The following NRG3 variants were observed in gnomAD, a reference collection of about 807,000 sequenced individuals.
NRG3 encodes neuregulin 3.
A neutral mutation model predicts 66.9 loss-of-function variants in NRG3; 31 were observed. The ratio of observed to expected loss-of-function variants is 0.46; its 90% confidence interval spans 0.35 to 0.63. The LOEUF is 0.63. Among genes scored for constraint, NRG3 ranks in the 20% least tolerant of loss-of-function variants. The pLI is 0.00. For synonymous variants in NRG3, 393 were observed against 359.4 expected, an observed-to-expected ratio of 1.09 and a Z score of -1.06; for missense variants, 910 against 878.9, an observed-to-expected ratio of 1.04 and a Z score of -0.45.
intron 3 of NRG3, among the ~76,000 whole-genome samples, chr10:82,744,440 A>G (rs767795372): frequency 7.9e-5 from 12 of 152,052 alleles, no homozygotes; most frequent in Non-Finnish European, 1.3e-4. Flanking sequence ...GCATGACACA[A>G]CTCTCTGCGC....
chr10:82,145,319 T>C (rs1226471503), intron 1 of NRG3, among the ~76,000 whole-genome samples: 1 of 152,194 alleles, frequency 6.6e-6, no homozygotes, highest in African/African-American at 2.4e-5. Flanking sequence ...ACCCTACTAT[T>C]TGATGTCCAA....
chr10:82,463,571 T>C (rs2091620009), intron 2 of NRG3, among the ~76,000 whole-genome samples: 1 of 152,192 alleles, frequency 6.6e-6, no homozygotes, highest in Non-Finnish European at 1.5e-5. Context: ...TTTAGTACTG[T>C]TGTGAGGATT....
At chr10:82,338,956 C>A (rs970495226) in intron 1 of NRG3, among the ~76,000 whole-genome samples, 1 of 152,166 alleles carries the variant, frequency 6.6e-6, no homozygotes, top group Non-Finnish European at 1.5e-5. Context: ...TACCAAGAAA[C>A]AAGCCTTTCC....
At chr10:82,040,437 C>T (rs2062983212) in intron 1 of NRG3, among the ~76,000 whole-genome samples, 2 of 151,534 alleles carry the variant, frequency 1.3e-5, no homozygotes, top group Admixed American at 6.6e-5. Context: ...TTCATAATAT[C>T]TTTCTTTTTT....
chr10:82,406,580 C>T (rs2087538361), intron 2 of NRG3, among the ~76,000 whole-genome samples: 1 of 152,134 alleles, frequency 6.6e-6, no homozygotes, highest in Admixed American at 6.5e-5. Context: ...GTGCTTGAAG[C>T]CCAGCAATAA....
At chr10:82,701,232 T>C (rs759716260) in intron 2 of NRG3, among the ~76,000 whole-genome samples, 7 of 152,174 alleles carry the variant, frequency 4.6e-5, no homozygotes, top group Non-Finnish European at 8.8e-5. Context: ...CTTCTTCCCT[T>C]GTCGGTTTCT....
At chr10:82,829,376 G>C (rs1290185392) in intron 3 of NRG3, among the ~76,000 whole-genome samples, 2 of 152,122 alleles carry the variant, frequency 1.3e-5, no homozygotes, top group African/African-American at 4.8e-5. Flanking sequence ...GTCTGGAATA[G>C]TCAGAGATGG....
At chr10:82,148,264 G>A (rs1304221937) in intron 1 of NRG3, among the ~76,000 whole-genome samples, 1 of 152,102 alleles carries the variant, frequency 6.6e-6, no homozygotes, top group Non-Finnish European at 1.5e-5. Flanking sequence ...TTGGGAGGCC[G>A]AGGTGGGAGG....
chr10:82,171,618 T>C (rs2072615871), intron 1 of NRG3, among the ~76,000 whole-genome samples: 1 of 152,110 alleles, frequency 6.6e-6, no homozygotes, highest in Non-Finnish European at 1.5e-5. Flanking sequence ...TAGAACTACA[T>C]ATTTCTTCCA....
At chr10:82,373,716 A>C (rs1038105965) in intron 2 of NRG3, among the ~76,000 whole-genome samples, 8 of 152,220 alleles carry the variant, frequency 5.3e-5, no homozygotes, top group Admixed American at 5.2e-4. Context: ...TAATTTTGCC[A>C]CAGTTTGGGG....
intron 3 of NRG3, among the ~76,000 whole-genome samples, chr10:82,787,462 A>G (rs549278385): frequency 6.6e-6 from 1 of 152,336 alleles, no homozygotes; most frequent in African/African-American, 2.4e-5. Flanking sequence ...CCTTTGTAGT[A>G]GGTGAACCTT....
Position 82,986,269 on chromosome 10 carries a change from A to T in NRG3, c.*664A>T, listed in dbSNP as rs1241674826. The stretch of plus-strand genomic sequence containing the variant: ...ATTATTACAGAAAAAGAGACAAAAA[A>T]ATCCTTATATCGTGTCACTAAAATC... On this transcript the variant is annotated 3_prime_UTR_variant, in exon 9 of 9. Coordinates refer to ENST00000372141, the MANE Select transcript of NRG3 (RefSeq NM_001010848.4). The T allele has an allele frequency of 6.6e-6, 1 of 152,202 alleles. No individual in the cohort carries two copies. The highest frequency in any genetic ancestry group is 1.5e-5 in the Non-Finnish European group (1 of 68,060). 9.4% of individuals were successfully genotyped at this position (152,202 alleles called of 1,614,324 possible).
At chr10:82,111,760 T>G (rs1194592487) in intron 1 of NRG3, among the ~76,000 whole-genome samples, 1 of 152,222 alleles carries the variant, frequency 6.6e-6, no homozygotes, top group East Asian at 1.9e-4. Flanking sequence ...TTTCTTAGTC[T>G]ACCAGCCCAG....
At chr10:82,942,038 A>G (rs1437484898) in intron 4 of NRG3, among the ~76,000 whole-genome samples, 1 of 151,146 alleles carries the variant, frequency 6.6e-6, no homozygotes, top group Non-Finnish European at 1.5e-5. Flanking sequence ...TCAACCTCAC[A>G]CTACTTGAAG....
chr10:82,791,258 C>T lies in NRG3; in HGVS notation c.1027+52608C>T, dbSNP rs115313006. Among the ~76,000 whole-genome samples the T allele has an allele frequency of 6.9e-3, 1,043 of 151,462 alleles. 13 individuals carry two copies. The highest frequency in any genetic ancestry group is 0.024 in the African/African-American group (1,006 of 41,370). ...CAGCTCTGAAAATCAGATTCACCTC[C>T]ACTTGCCAAAGCTCTTATTTGATTA... On this transcript the variant is annotated intron_variant, in intron 3 of 8. Transcript: ENST00000372141.
intron 1 of NRG3, among the ~76,000 whole-genome samples, chr10:82,146,000 A>T (rs911145873): frequency 6.6e-5 from 10 of 152,216 alleles, no homozygotes; most frequent in Non-Finnish European, 1.5e-5. Flanking sequence ...CATTGTGATA[A>T]AATCATATTT....
chr10:82,094,381 G>C (rs747264517), intron 1 of NRG3, among the ~76,000 whole-genome samples: 1 of 152,142 alleles, frequency 6.6e-6, no homozygotes, highest in Non-Finnish European at 1.5e-5. Flanking sequence ...GAACACTTGT[G>C]CACTGTTGCT....
intron 2 of NRG3, among the ~76,000 whole-genome samples, chr10:82,618,668 A>G (rs938052078): frequency 6.6e-6 from 1 of 152,190 alleles, no homozygotes; most frequent in Non-Finnish European, 1.5e-5. Flanking sequence ...TATAAAAAAT[A>G]TATAAAAACT....
intron 4 of NRG3, among the ~76,000 whole-genome samples, chr10:82,916,878 A>G (rs1845886053): frequency 6.6e-6 from 1 of 152,206 alleles, no homozygotes; most frequent in Non-Finnish European, 1.5e-5. Context: ...AGCCTCCCAA[A>G]GTGCTGGGAT....
Sources: gnomAD v4.1 joint callset for allele counts (sites outside exome capture counted in the v4.1 genomes callset) on GRCh38, gnomAD v4.1.1 for gene constraint, MANE v1.5 for transcripts, NCBI Gene and HGNC (gene_info 2026-07-23, HGNC 2026-07-21) for gene names.